FRMD6: variants seen among roughly 807,000 people sequenced by gnomAD.
FRMD6 encodes FERM domain-containing protein 6.
In FRMD6, 37 loss-of-function variants were observed where a neutral mutation model predicts 73.2. That is an observed-to-expected ratio of 0.51 (90% CI 0.39 to 0.66). The LOEUF (loss-of-function observed/expected upper bound fraction) is 0.66, where lower values mean the gene tolerates loss of function less well. Ranked by LOEUF, FRMD6 falls within the 30% of genes least tolerant of loss-of-function variation. The pLI, the probability that FRMD6 is intolerant of heterozygous loss-of-function variation, is 0.00. For missense variants in FRMD6, 714 were observed against 780.5 expected, an observed-to-expected ratio of 0.91 and a Z score of 1.02; for synonymous variants, 273 against 282.2, an observed-to-expected ratio of 0.97 and a Z score of 0.33.
At chr14:51,671,069 C>G (rs150635075) in intron 1 of FRMD6, among the ~76,000 whole-genome samples, 2,350 of 152,262 alleles carry the variant, frequency 0.015, 23 homozygotes, top group South Asian at 0.028. Context: ...TTTTGAATAT[C>G]AAACCAATCT....
intron 1 of FRMD6, among the ~76,000 whole-genome samples, chr14:51,686,913 G>A (rs1169390368): frequency 1.3e-5 from 2 of 152,100 alleles, no homozygotes; most frequent in African/African-American, 2.4e-5. Context: ...TTTCATTGGA[G>A]CCTTTTAATC....
chr14:51,409,023 C>T, the FRMD6 span, among the ~76,000 whole-genome samples: 1 of 152,162 alleles, frequency 6.6e-6, no homozygotes, highest in African/African-American at 2.4e-5. Context: ...GCTAAGAATA[C>T]TCGACAGGGA....
chr14:51,644,395 ACTCTCTCT>A (rs71121654), intron 2 of FRMD6, among the ~76,000 whole-genome samples: 9 of 146,320 alleles, frequency 6.2e-5, no homozygotes, highest in Admixed American at 2.7e-4. Flanking sequence ...ACACTCACTC[ACTCTCTCT>A]CTCTCTCTCT....
At chr14:51,727,076 C>A (rs550874557) in intron 13 of FRMD6, among the ~76,000 whole-genome samples, 1 of 151,994 alleles carries the variant, frequency 6.6e-6, no homozygotes, top group Non-Finnish European at 1.5e-5. Flanking sequence ...GGAACCCCCC[C>A]ACCCCCGACT....
intron 1 of FRMD6, among the ~76,000 whole-genome samples, chr14:51,517,721 C>A (rs1051098428): frequency 6.6e-6 from 1 of 152,122 alleles, no homozygotes; most frequent in Non-Finnish European, 1.5e-5. Flanking sequence ...AAATGTAATT[C>A]TTCTACAAGA....
chr14:51,524,538 G>C (rs867821192), intron 1 of FRMD6, among the ~76,000 whole-genome samples: 1 of 151,320 alleles, frequency 6.6e-6, no homozygotes, highest in Non-Finnish European at 1.5e-5. Flanking sequence ...TTTTATGACG[G>C]GGGGGGTCTC....
At chr14:51,469,457 C>G in the FRMD6 span, among the ~76,000 whole-genome samples, 1 of 150,270 alleles carries the variant, frequency 6.7e-6, no homozygotes, top group South Asian at 2.1e-4. Context: ...ACTAAAAATA[C>G]AAAAACTTAG....
intron 1 of FRMD6, among the ~76,000 whole-genome samples, chr14:51,546,223 T>G (rs1886455994): frequency 6.6e-6 from 1 of 152,066 alleles, no homozygotes; most frequent in Non-Finnish European, 1.5e-5. Flanking sequence ...GATAGGTCTG[T>G]GTTTGAACAC....
chr14:51,725,347 T>C (rs1393801107), intron 12 of FRMD6, among the ~76,000 whole-genome samples: 2 of 152,036 alleles, frequency 1.3e-5, no homozygotes, highest in Admixed American at 1.3e-4. Flanking sequence ...TTCACCACTA[T>C]ACATCCAAGC....
chr14:51,587,484 G>T (rs901191765), intron 2 of FRMD6, among the ~76,000 whole-genome samples: 4 of 152,198 alleles, frequency 2.6e-5, no homozygotes, highest in African/African-American at 9.6e-5. Context: ...TATTAGTATA[G>T]CTTAGTTAAA....
intron 1 of FRMD6, among the ~76,000 whole-genome samples, chr14:51,662,595 A>T (rs566816819): frequency 6.6e-6 from 1 of 152,338 alleles, no homozygotes; most frequent in Non-Finnish European, 1.5e-5. Flanking sequence ...GGCTAGCCAT[A>T]TACACAAGAT....
chr14:51,586,362 G>T (rs547323413), intron 2 of FRMD6, among the ~76,000 whole-genome samples: 27 of 152,116 alleles, frequency 1.8e-4, no homozygotes, highest in African/African-American at 5.5e-4. Context: ...TCATATGTTT[G>T]TTGGCCACAT....
At chr14:51,403,425 G>T in the FRMD6 span, among the ~76,000 whole-genome samples, 1 of 147,728 alleles carries the variant, frequency 6.8e-6, no homozygotes, top group Non-Finnish European at 1.5e-5. Flanking sequence ...ATTTGAGACA[G>T]GGTCTCACTC....
In FRMD6 at chr14:51,511,505, C is replaced by T. The variant is rs139447503; in HGVS notation, c.-210+22085C>T. Among the ~76,000 whole-genome samples, 667 of 152,244 alleles carry T rather than the reference C, an allele frequency of 4.4e-3. 6 individuals are homozygous for T. Among genetic ancestry groups the T allele is most frequent in the African/African-American group, 0.015 (623 of 41,548 alleles). ...CACATTGGTTTACAAGCCATCAATG[C>T]TCACAACAAAGGAATGTAAGACATT... On this transcript the variant is annotated intron_variant, in intron 1 of 14. Transcript: ENST00000356218.
At chr14:51,683,489 G>C (rs11625657) in intron 1 of FRMD6, among the ~76,000 whole-genome samples, 42,109 of 151,182 alleles carry the variant, frequency 0.28, 6,542 homozygotes, top group Non-Finnish European at 0.35. Flanking sequence ...GGGTCTCGCT[G>C]TGTTTCCCAG....
intron 1 of FRMD6, chr14:51,546,539 G>A (rs180805006): frequency 2.0e-4 from 24 of 118,202 alleles, no homozygotes; most frequent in African/African-American, 7.0e-4. Flanking sequence ...AAAACTGTAA[G>A]AGTATATCTA....
chr14:51,545,870 G>GAA (rs1886439917), intron 1 of FRMD6, among the ~76,000 whole-genome samples: 1 of 151,474 alleles, frequency 6.6e-6, no homozygotes, highest in South Asian at 2.1e-4. Context: ...TCGGGCATAG[G>GAA]AAAAAAAAGC....
upstream of FRMD6, among the ~76,000 whole-genome samples, chr14:51,485,582 C>T (rs147369096): frequency 5.9e-5 from 9 of 152,312 alleles, no homozygotes; most frequent in African/African-American, 2.2e-4. Flanking sequence ...CTGTGACCAT[C>T]TCTTCATCCC....
the FRMD6 span, among the ~76,000 whole-genome samples, chr14:51,462,702 T>G: frequency 4.6e-5 from 7 of 152,068 alleles, no homozygotes; most frequent in African/African-American, 1.7e-4. Context: ...AGATTAAGCT[T>G]CTTTGGAAGT....
Sources: gnomAD v4.1 joint callset for allele counts (sites outside exome capture counted in the v4.1 genomes callset) on GRCh38, gnomAD v4.1.1 for gene constraint, MANE v1.5 for transcripts, NCBI Gene and HGNC (gene_info 2026-07-23, HGNC 2026-07-21) for gene names.